The following GSK3B variants were observed in gnomAD, a reference collection of about 807,000 sequenced individuals.
The protein encoded by GSK3B is glycogen synthase kinase-3 beta.
GSK3B carries 15 observed loss-of-function variants against 56.4 expected under a neutral mutation model. That is an observed-to-expected ratio of 0.27 (90% confidence interval 0.18 to 0.41). The LOEUF (loss-of-function observed/expected upper bound fraction) is 0.41. Ranked by LOEUF, GSK3B falls within the 10% of genes least tolerant of loss-of-function variation. The pLI is 1.00. For synonymous variants in GSK3B, 181 were observed against 188.9 expected (o/e 0.96, Z 0.34); for missense variants, 300 against 513.4 (o/e 0.58, Z 4.02).
intron 3 of GSK3B, among the ~76,000 whole-genome samples, chr3:119,939,060 G>A (rs1162842328): frequency 1.3e-5 from 2 of 151,748 alleles, no homozygotes; most frequent in African/African-American, 4.8e-5. Context: ...CAAGGAGAGA[G>A]AAGCTTTTGG....
chr3:120,017,824 G>T (rs1346696340), intron 1 of GSK3B, among the ~76,000 whole-genome samples: 1 of 152,102 alleles, frequency 6.6e-6, no homozygotes, highest in Non-Finnish European at 1.5e-5. Flanking sequence ...ATAGCAGTCT[G>T]AAAAAATATT....
At chr3:120,078,192 C>A (rs966413886) in intron 1 of GSK3B, among the ~76,000 whole-genome samples, 19 of 152,128 alleles carry the variant, frequency 1.2e-4, no homozygotes, top group African/African-American at 4.6e-4. Flanking sequence ...TCACCTCTTT[C>A]CTAGACTTTA....
rs115964768 is a variant in GSK3B, at chr3:119,908,927, G to T, written c.716-3075C>A. On this transcript the variant is annotated intron_variant, in intron 6 of 10. Transcript: ENST00000264235. ...TTGGCAAAATAAAAAATGATAATGTGTTTCTGATTAGGGTGTTTGCTTGTA... is the reference window on the plus strand; with the variant it reads ...TTGGCAAAATAAAAAATGATAATGTTTTTCTGATTAGGGTGTTTGCTTGTA... 8.4e-3 allele frequency among the ~76,000 whole-genome samples: 1,281 copies of T among 152,322 alleles called. 7 individuals are homozygous for T. The highest frequency in any genetic ancestry group is 0.061 in the Middle Eastern group (18 of 294).
chr3:119,959,816 G>A (rs147464861), intron 2 of GSK3B, among the ~76,000 whole-genome samples: 2 of 152,052 alleles, frequency 1.3e-5, no homozygotes, highest in African/African-American at 4.8e-5. Flanking sequence ...TGTTCCCAAA[G>A]TGCTAGGATT....
chr3:120,079,066 C>T (rs779147932), intron 1 of GSK3B, among the ~76,000 whole-genome samples: 2 of 150,314 alleles, frequency 1.3e-5, no homozygotes, highest in Non-Finnish European at 3.0e-5. Context: ...CTCAGCCTCC[C>T]GTGTAGCTGG....
intron 7 of GSK3B, among the ~76,000 whole-genome samples, chr3:119,898,980 T>C (rs552083605): frequency 6.6e-6 from 1 of 152,258 alleles, no homozygotes; most frequent in East Asian, 1.9e-4. Flanking sequence ...TAAGATGAAG[T>C]GAGGTGAATT....
intron 1 of GSK3B, among the ~76,000 whole-genome samples, chr3:120,035,265 T>A (rs1028886809): frequency 6.6e-6 from 1 of 151,978 alleles, no homozygotes; most frequent in Non-Finnish European, 1.5e-5. Flanking sequence ...AGCCAAGAAA[T>A]GTCAGGGATT....
At chr3:120,002,332 A>C in intron 1 of GSK3B, 93 bp from the exon 2 acceptor site, 1 of 576,192 alleles carries the variant, frequency 1.7e-6, no homozygotes, top group Non-Finnish European at 2.8e-6. Flanking sequence ...TATATTCTTT[A>C]TTTTTTATTT....
At chr3:119,833,690 GTTTTTTTTT>G (rs902919136) in intron 10 of GSK3B, among the ~76,000 whole-genome samples, 6 of 75,788 alleles carry the variant, frequency 7.9e-5, no homozygotes, top group African/African-American at 2.6e-4. Context: ...ACATTAGGTT[GTTTTTTTTT>G]TTTTTTTTTT....
intron 1 of GSK3B, among the ~76,000 whole-genome samples, chr3:120,064,295 A>T (rs887862475): frequency 2.0e-5 from 3 of 151,952 alleles, no homozygotes; most frequent in African/African-American, 7.2e-5. Context: ...TTTCCCATTT[A>T]AAAAAATTCC....
At chr3:119,895,750 C>G (rs2056555789) in intron 7 of GSK3B, among the ~76,000 whole-genome samples, 1 of 152,134 alleles carries the variant, frequency 6.6e-6, no homozygotes, top group South Asian at 2.1e-4. Context: ...ACTCTCCATT[C>G]TACTTAATTG....
At chr3:119,887,155 T>A (rs142138882) in intron 7 of GSK3B, among the ~76,000 whole-genome samples, 2 of 152,136 alleles carry the variant, frequency 1.3e-5, no homozygotes, top group African/African-American at 2.4e-5. Flanking sequence ...TTGTGAAATA[T>A]ACTTAATAGA....
At chr3:120,047,654 A>G (rs951753075) in intron 1 of GSK3B, among the ~76,000 whole-genome samples, 3 of 152,258 alleles carry the variant, frequency 2.0e-5, no homozygotes, top group Admixed American at 1.3e-4. Context: ...AACATTTACT[A>G]TATGTCAAGC....
chr3:120,034,476 A>G (rs2058006005), intron 1 of GSK3B, among the ~76,000 whole-genome samples: 1 of 152,122 alleles, frequency 6.6e-6, no homozygotes, highest in Admixed American at 6.5e-5. Flanking sequence ...TTTGTGGGGG[A>G]TAAAAAATTA....
chr3:119,907,547 T>C (rs915137297), intron 6 of GSK3B, among the ~76,000 whole-genome samples: 21 of 152,104 alleles, frequency 1.4e-4, no homozygotes, highest in African/African-American at 4.6e-4. Context: ...AAAGGACAAA[T>C]GGATGAAATT....
At chr3:120,046,318 G>T (rs1029892548) in intron 1 of GSK3B, among the ~76,000 whole-genome samples, 2 of 152,158 alleles carry the variant, frequency 1.3e-5, no homozygotes. Flanking sequence ...TTCATCAATT[G>T]TAACAAATGT....
intron 7 of GSK3B, among the ~76,000 whole-genome samples, chr3:119,891,467 T>C (rs529723421): frequency 6.6e-6 from 1 of 152,122 alleles, no homozygotes; most frequent in African/African-American, 2.4e-5. Context: ...TTCTACCTGA[T>C]TTACTCCAGC....
chr3:120,037,828 G>A (rs1284801498), intron 1 of GSK3B, among the ~76,000 whole-genome samples: 1 of 152,052 alleles, frequency 6.6e-6, no homozygotes, highest in Non-Finnish European at 1.5e-5. Context: ...ATGTAAATCT[G>A]CTTCTGCCAG....
chr3:119,979,635 T>C (rs959839186), intron 2 of GSK3B, among the ~76,000 whole-genome samples: 3 of 152,254 alleles, frequency 2.0e-5, no homozygotes, highest in African/African-American at 7.2e-5. Context: ...AAGGTCTTTA[T>C]AGTTTTCTCT....
Sources: allele counts gnomAD v4.1 joint callset (sites outside exome capture counted in the v4.1 genomes callset), GRCh38; gene constraint gnomAD v4.1.1; transcripts MANE v1.5; gene names NCBI Gene and HGNC (gene_info 2026-07-23, HGNC 2026-07-21).